The following CCDC18 variants were observed in gnomAD, a reference collection of about 807,000 sequenced individuals.
The protein encoded by CCDC18 is coiled-coil domain-containing protein 18.
In CCDC18, 157 loss-of-function variants were observed where a neutral mutation model predicts 196.0. The observed-to-expected ratio is 0.80, with a 90% CI of 0.70 to 0.91. CCDC18 has a LOEUF of 0.91. Among genes scored for constraint, CCDC18 ranks in the 40% least tolerant of loss-of-function variants. The pLI is 0.00. For missense variants in CCDC18, 1,465 were observed against 1,611.6 expected (o/e 0.91, Z 1.56); for synonymous variants, 482 against 529.2 (o/e 0.91, Z 1.22).
chr1:93,190,272 G>A (rs1482034189), intron 4 of CCDC18, among the ~76,000 whole-genome samples: 3 of 152,190 alleles, frequency 2.0e-5, no homozygotes, highest in Non-Finnish European at 2.9e-5. Context: ...GGCAGATCAC[G>A]AGGTTAAGAG....
intron 10 of CCDC18, 38 bp from the exon 11 acceptor site, chr1:93,212,063 C>T: frequency 1.3e-6 from 2 of 1,539,206 alleles, no homozygotes; most frequent in Non-Finnish European, 8.8e-7. Flanking sequence ...TTTATAGAAT[C>T]TTTCTAATAA....
At position 93,255,760 on chromosome 1, in the gene CCDC18, AGAAGAGGAG is replaced by A. The variant is rs1294375905; in HGVS notation, c.3343-566_3343-558del. Among the ~76,000 whole-genome samples, 37 of 99,460 alleles carry A rather than the reference AGAAGAGGAG, an allele frequency of 3.7e-4. 1 individual carries two copies. Among genetic ancestry groups the A allele is most frequent in the Middle Eastern group, 8.5e-3 (2 of 236 alleles). 65.2% of individuals were successfully genotyped at this position (99,460 alleles called of 152,430 possible). A position where few individuals can be genotyped will look rare whatever the true frequency, so the allele number is the denominator to read the frequency against. On this transcript the variant is annotated intron_variant, in intron 24 of 28. Transcript: ENST00000690025. Reference sequence around the variant, plus strand: ...CAAACGAAGAAGAGGAAGAAGAGGAAGAAGAGGAGGAAGAGGAAGAAGAGGAAGAAGAAG... The same window carrying A: ...CAAACGAAGAAGAGGAAGAAGAGGAAGAAGAGGAAGAAGAGGAAGAAGAAG...
intron 19 of CCDC18, among the ~76,000 whole-genome samples, chr1:93,236,878 T>C (rs1186170422): frequency 6.6e-6 from 1 of 152,188 alleles, no homozygotes; most frequent in Non-Finnish European, 1.5e-5. Context: ...GGTCCCACTT[T>C]TAGATTAAAT....
At chr1:93,226,240 G>A in intron 16 of CCDC18, 93 bp from the exon 17 acceptor site, 1 of 610,994 alleles carries the variant, frequency 1.6e-6, no homozygotes, top group East Asian at 2.8e-5. Context: ...TTCACTATTT[G>A]AAGCAGTCAG....
At chr1:93,184,678 T>A (rs770521005) in intron 3 of CCDC18, among the ~76,000 whole-genome samples, 10 of 151,948 alleles carry the variant, frequency 6.6e-5, no homozygotes, top group Non-Finnish European at 1.0e-4. Context: ...TCAACTCTTT[T>A]ATCTCCTTTT....
At chr1:93,184,858 T>C (rs940536575) in intron 3 of CCDC18, among the ~76,000 whole-genome samples, 2 of 152,008 alleles carry the variant, frequency 1.3e-5, no homozygotes, top group African/African-American at 4.8e-5. Flanking sequence ...TGAATCTACT[T>C]TTTAGAAACA....
At position 93,278,488 on chromosome 1, in the gene CCDC18, A is replaced by G; in HGVS notation, c.*11A>G. On this transcript the variant is annotated 3_prime_UTR_variant, in exon 29 of 29. Transcript: ENST00000690025. The stretch of plus-strand genomic sequence containing the variant: ...GGAGAAAATGTGTAATTCAAAGAAG[A>G]TACTGATGTGTTGAAAAAATGGAAT... The G allele has an allele frequency of 1.6e-6, 2 of 1,284,500 alleles. No individual in the cohort carries two copies. Among genetic ancestry groups the G allele is most frequent in the South Asian group, 3.5e-5 (2 of 56,694 alleles). The allele number at this position is 1,284,500 out of a possible 1,614,324, so 79.6% of individuals were successfully genotyped here.
upstream of CCDC18, chr1:93,180,600 G>A (rs753807607): frequency 3.4e-5 from 47 of 1,364,544 alleles, no homozygotes; most frequent in South Asian, 3.8e-4. Context: ...GGCTCCGCTA[G>A]TGGGCTCGGG....
chr1:93,240,228 A>T (rs1228703399), intron 21 of CCDC18, among the ~76,000 whole-genome samples: 2 of 152,242 alleles, frequency 1.3e-5, no homozygotes, highest in Non-Finnish European at 2.9e-5. Context: ...GGACTACGCC[A>T]GGGACTTCAC....
chr1:93,237,074 G>A (rs2100795097), intron 19 of CCDC18, among the ~76,000 whole-genome samples: 1 of 152,294 alleles, frequency 6.6e-6, no homozygotes, highest in Non-Finnish European at 1.5e-5. Context: ...GGAGTCAAGA[G>A]TGAACTTAGG....
intron 28 of CCDC18, among the ~76,000 whole-genome samples, chr1:93,277,601 G>C (rs1665690020): frequency 6.8e-6 from 1 of 146,834 alleles, no homozygotes; most frequent in Non-Finnish European, 1.5e-5. Context: ...ACACGTTTCA[G>C]AGAGCACGGG....
intron 4 of CCDC18, among the ~76,000 whole-genome samples, chr1:93,191,224 G>A (rs997709824): frequency 6.6e-6 from 1 of 151,974 alleles, no homozygotes; most frequent in African/African-American, 2.4e-5. Context: ...TGTTACAGCT[G>A]TACTTCATTC....
intron 27 of CCDC18, among the ~76,000 whole-genome samples, chr1:93,267,857 C>T (rs1664728305): frequency 6.6e-6 from 1 of 152,148 alleles, no homozygotes; most frequent in Non-Finnish European, 1.5e-5. Context: ...AATGGCCATA[C>T]TGCCCAAGGT....
chr1:93,225,858 A>G (rs995764004), intron 16 of CCDC18, among the ~76,000 whole-genome samples: 10 of 152,072 alleles, frequency 6.6e-5, no homozygotes. Flanking sequence ...TTATTCAAGG[A>G]GGCTTAAGAA....
intron 28 of CCDC18, among the ~76,000 whole-genome samples, chr1:93,277,990 T>A (rs1665720807): frequency 6.6e-6 from 1 of 152,142 alleles, no homozygotes; most frequent in Admixed American, 6.6e-5. Context: ...TTATTTATTT[T>A]ATTTTATTTT....
upstream of CCDC18, chr1:93,180,548 T>A (rs1403314285): frequency 6.8e-7 from 1 of 1,478,406 alleles, no homozygotes; most frequent in South Asian, 1.1e-5. Context: ...CCCCCACCAA[T>A]GGGCATCATG....
Position 93,201,974 on chromosome 1 carries a change from GA to G in CCDC18, c.786del (p.Lys262AsnfsTer12). 1 of 1,606,146 alleles carries G rather than the reference GA, an allele frequency of 6.2e-7. No individual in the cohort carries two copies. Among genetic ancestry groups the G allele is most frequent in the Non-Finnish European group, 8.5e-7 (1 of 1,175,026 alleles). On this transcript the variant is annotated frameshift_variant, in exon 7 of 29. Transcript: ENST00000690025. LOFTEE classifies it high-confidence loss of function. Reference protein sequence around the residue: ...AFQQYKKKVAEKLEKVQAEEE... With the variant: ...AFQQYKKKVAXKLEKVQAEEE... ...CCAACAATATAAAAAAAAAGTGGCT[GA>G]AAAACTGGAAAAGGTAAAAGGCAGT...
Position 93,226,409 on chromosome 1 carries a change from A to T in CCDC18, c.2252A>T (p.Lys751Met). Reference protein sequence around the residue: ...VLHLNQLEGNKEKFEKQLKKK... With the variant: ...VLHLNQLEGNMEKFEKQLKKK... ...CATTTGAATCAATTGGAAGGAAATA[A>T]GGAAAAGTTTGAAAAACAGTTAAAG... The change falls in exon 17 of 29, where the codon AAG becomes ATG. Residue 751 changes from lysine (K) to methionine (M), a missense_variant. Lys to Met is a moderately conservative substitution (Grantham distance 95, BLOSUM62 -1). Coordinates refer to ENST00000690025, the MANE Select transcript of CCDC18 (RefSeq NM_001378204.1). 1 of 1,592,024 alleles carries T rather than the reference A, an allele frequency of 6.3e-7. No individual in the cohort carries two copies. Among genetic ancestry groups the T allele is most frequent in the Non-Finnish European group, 8.6e-7 (1 of 1,162,578 alleles).
intron 28 of CCDC18, among the ~76,000 whole-genome samples, chr1:93,272,940 G>A (rs1665403276): frequency 1.6e-5 from 2 of 125,098 alleles, no homozygotes; most frequent in South Asian, 4.6e-4. Context: ...GAGCAGTAGA[G>A]GAGTTGGTCT....
Sources: allele counts gnomAD v4.1 joint callset (sites outside exome capture counted in the v4.1 genomes callset), GRCh38; gene constraint gnomAD v4.1.1; transcripts MANE v1.5; gene names NCBI Gene and HGNC (gene_info 2026-07-23, HGNC 2026-07-21).